TANC1: variants seen among roughly 807,000 people sequenced by gnomAD.
The protein encoded by TANC1 is tetratricopeptide repeat, ankyrin repeat and coiled-coil containing 1, also known as protein TANC1.
TANC1 carries 77 observed loss-of-function variants against 149.7 expected under a neutral mutation model. The ratio of observed to expected loss-of-function variants is 0.51; its 90% CI spans 0.43 to 0.62. TANC1 has a LOEUF of 0.62. Among genes scored for constraint, TANC1 ranks in the 20% least tolerant of loss-of-function variants. The pLI is 0.00. For missense variants in TANC1, 1,985 were observed against 2,321.8 expected, an observed-to-expected ratio of 0.85 and a Z score of 2.98; for synonymous variants, 854 against 925.0, an observed-to-expected ratio of 0.92 and a Z score of 1.39.
At chr2:159,161,329 A>G (rs533956643) in intron 7 of TANC1, among the ~76,000 whole-genome samples, 65 of 152,316 alleles carry the variant, frequency 4.3e-4, no homozygotes, top group African/African-American at 1.4e-3. Context: ...CAAATCCCCT[A>G]TCTCCCTAGC....
chr2:159,228,273 C>T (rs912083835), intron 25 of TANC1: 3 of 342,878 alleles, frequency 8.7e-6, no homozygotes, highest in African/African-American at 4.2e-5. Flanking sequence ...CTGCCGTCCC[C>T]GGATTCAGGA....
In TANC1 at chr2:159,228,534, C is replaced by T. The variant is rs2060156110; in HGVS notation, c.4051-262C>T. ...TGCGCTCCTCTCTGAGGCTGCCCCT[C>T]CACCGGGCTGTGAGGTTCCACCATC... On this transcript the variant is annotated intron_variant, in intron 25 of 26. Coordinates refer to ENST00000263635, the MANE Select transcript of TANC1 (RefSeq NM_033394.3). 8.9e-6 allele frequency: 4 copies of T among 448,320 alleles called. No individual in the cohort carries two copies. In the East Asian group the frequency reaches 1.7e-4, roughly 19 times the overall value. The allele number at this position is 448,320 out of a possible 1,614,324, so 27.8% of individuals were successfully genotyped here. A position where few individuals can be genotyped will look rare whatever the true frequency, so the allele number is the denominator to read the frequency against.
At chr2:159,165,126 G>A (rs2054454305) in intron 8 of TANC1, among the ~76,000 whole-genome samples, 1 of 152,148 alleles carries the variant, frequency 6.6e-6, no homozygotes, top group Non-Finnish European at 1.5e-5. Flanking sequence ...TTTAAAATTA[G>A]GAAACATTAC....
At chr2:159,006,095 G>C (rs2037140014) in intron 2 of TANC1, among the ~76,000 whole-genome samples, 1 of 151,940 alleles carries the variant, frequency 6.6e-6, no homozygotes, top group African/African-American at 2.4e-5. Context: ...AGGAGTTCGA[G>C]ACTGGCCCTG....
intron 8 of TANC1, 143 bp from the exon 9 acceptor site, chr2:159,169,107 G>T: frequency 1.8e-6 from 1 of 553,068 alleles, no homozygotes; most frequent in Admixed American, 3.7e-5. Context: ...AAATAAACTG[G>T]GGCAAACAAT....
In TANC1 at chr2:159,164,282, A is replaced by G. The variant is rs531565667; in HGVS notation, c.946+736A>G. Reference sequence around the variant, plus strand: ...CAAGGAAAAAAATCGATAAAAAATAATAAGAATTTAAAAATACAGTCTCAC... The same window carrying G: ...CAAGGAAAAAAATCGATAAAAAATAGTAAGAATTTAAAAATACAGTCTCAC... On this transcript the variant is annotated intron_variant, in intron 8 of 26. Transcript: ENST00000263635. Among the ~76,000 whole-genome samples the G allele has an allele frequency of 5.9e-5, 9 of 152,376 alleles. No homozygotes were observed. The East Asian group carries it at 1.7e-3, about 29-fold the overall frequency.
chr2:159,196,077 C>T (rs953685631), intron 17 of TANC1, among the ~76,000 whole-genome samples: 2 of 152,210 alleles, frequency 1.3e-5, no homozygotes, highest in African/African-American at 2.4e-5. Context: ...CCCAGGCCAC[C>T]GGCCTACATG....
In TANC1 at chr2:158,974,778, G is replaced by A. The variant is rs918943623; in HGVS notation, c.-126+5996G>A. ...GAAAGGGTTTCCATTTGTTGCCCAGGCTGGACTGCACTGGTGTGATCATGG... is the reference window on the plus strand; with the variant it reads ...GAAAGGGTTTCCATTTGTTGCCCAGACTGGACTGCACTGGTGTGATCATGG... On this transcript the variant is annotated intron_variant, in intron 1 of 26. Transcript: ENST00000263635. Among the ~76,000 whole-genome samples, 4 of 151,936 alleles carry A rather than the reference G, an allele frequency of 2.6e-5. No individual in the cohort carries two copies. In the South Asian group the frequency reaches 8.3e-4, roughly 31 times the overall value.
At chr2:159,068,264 A>G (rs2042840739) in intron 3 of TANC1, among the ~76,000 whole-genome samples, 1 of 152,210 alleles carries the variant, frequency 6.6e-6, no homozygotes, top group Non-Finnish European at 1.5e-5. Flanking sequence ...TTTTCTATAA[A>G]TTAAAGCTGG....
intron 2 of TANC1, among the ~76,000 whole-genome samples, chr2:159,015,824 T>TC (rs2038214361): frequency 6.6e-6 from 1 of 152,208 alleles, no homozygotes; most frequent in African/African-American, 2.4e-5. Flanking sequence ...GATGAGTTCT[T>TC]CATCTCCTTC....
intron 1 of TANC1, among the ~76,000 whole-genome samples, chr2:158,994,686 G>C (rs2035977533): frequency 6.6e-6 from 1 of 152,134 alleles, no homozygotes; most frequent in South Asian, 2.1e-4. Context: ...GGTTATTTTT[G>C]ATTTGTAACT....
intron 14 of TANC1, among the ~76,000 whole-genome samples, chr2:159,180,295 A>T (rs910579916): frequency 2.6e-5 from 4 of 152,260 alleles, no homozygotes; most frequent in African/African-American, 9.6e-5. Flanking sequence ...TGACATTTCT[A>T]GCCAAGTCAG....
At chr2:159,228,526 C>CTGCCCCTCCACCGGGCTGTGAGGT (rs2060155641) in intron 25 of TANC1, 1 of 436,570 alleles carries the variant, frequency 2.3e-6, no homozygotes, top group African/African-American at 2.0e-5. Context: ...CTCTCTGAGG[C>CTGCCCCTCCACCGGGCTGTGAGGT]TGCCCCTCCA....
intron 4 of TANC1, among the ~76,000 whole-genome samples, chr2:159,110,694 G>A (rs771353051): frequency 6.6e-6 from 1 of 152,198 alleles, no homozygotes; most frequent in African/African-American, 2.4e-5. Context: ...ACTGTAAAGT[G>A]TAGGGTCGTG....
At chr2:159,004,707 A>G (rs1416877901) in intron 2 of TANC1, among the ~76,000 whole-genome samples, 1 of 152,158 alleles carries the variant, frequency 6.6e-6, no homozygotes, top group African/African-American at 2.4e-5. Context: ...TAGAAATAAA[A>G]AAAACTTTAC....
Position 159,169,333 on chromosome 2 carries a change from T to A in TANC1, c.1030T>A (p.Trp344Arg), listed in dbSNP as rs771318693. The A allele has an allele frequency of 2.0e-5, 33 of 1,614,032 alleles. No individual in the cohort carries two copies. Among genetic ancestry groups the A allele is most frequent in the Non-Finnish European group, 2.8e-5 (33 of 1,179,902 alleles). Reference protein sequence around the residue: ...APLRTSIRLPWHNTAGGRAQE... With the variant: ...APLRTSIRLPRHNTAGGRAQE... Reference sequence around the variant, plus strand: ...TCTACGGACGTCAATTAGATTACCATGGCACAATACGGCCGGAGGTAGGGC... The same window carrying A: ...TCTACGGACGTCAATTAGATTACCAAGGCACAATACGGCCGGAGGTAGGGC... The change falls in exon 9 of 27, where the codon TGG (tryptophan) becomes AGG (arginine). Residue 344 changes from tryptophan to arginine, a missense_variant. Coordinates refer to ENST00000263635, the MANE Select transcript of TANC1 (RefSeq NM_033394.3).
intron 19 of TANC1, among the ~76,000 whole-genome samples, chr2:159,208,995 T>C (rs988583953): frequency 6.6e-6 from 1 of 152,192 alleles, no homozygotes; most frequent in African/African-American, 2.4e-5. Context: ...AGAGAAGGTA[T>C]AAAAATATGG....
At chr2:159,024,465 A>G (rs765635001) in intron 2 of TANC1, among the ~76,000 whole-genome samples, 2 of 152,130 alleles carry the variant, frequency 1.3e-5, no homozygotes, top group Non-Finnish European at 2.9e-5. Flanking sequence ...AAAAAATCCT[A>G]TAGGCATGGG....
intron 2 of TANC1, among the ~76,000 whole-genome samples, chr2:159,004,658 A>G (rs1356269510): frequency 1.3e-5 from 2 of 152,084 alleles, no homozygotes; most frequent in Non-Finnish European, 2.9e-5. Context: ...GTGGAGAGCA[A>G]ATTGGAAAAC....
Sources: allele counts gnomAD v4.1 joint callset (sites outside exome capture counted in the v4.1 genomes callset), GRCh38; gene constraint gnomAD v4.1.1; transcripts MANE v1.5; gene names NCBI Gene and HGNC (gene_info 2026-07-23, HGNC 2026-07-21).